Variants in ECHDC3 observed in about 807,000 individuals in gnomAD.
ECHDC3 encodes enoyl-CoA hydratase domain containing 3.
In ECHDC3, 20 loss-of-function variants were observed where a neutral mutation model predicts 17.9. That is an observed-to-expected ratio of 1.12 (90% CI 0.79 to 1.63). The LOEUF (loss-of-function observed/expected upper bound fraction) is 1.63. Among genes scored for constraint, ECHDC3 ranks in the 40% most tolerant of loss-of-function variants. ECHDC3 has a pLI of 0.00. For missense variants in ECHDC3, 407 were observed against 357.7 expected (o/e 1.14, Z -1.11); for synonymous variants, 177 against 149.7 (o/e 1.18, Z -1.33).
chr10:11,747,091 T>C (rs1832769354), intron 1 of ECHDC3, among the ~76,000 whole-genome samples: 1 of 152,162 alleles, frequency 6.6e-6, no homozygotes, highest in African/African-American at 2.4e-5. Context: ...GTCATGTTTC[T>C]GACAGCAAAC....
chr10:11,742,828 G>A, intron 1 of ECHDC3, 82 bp downstream of exon 1: 1 of 1,215,754 alleles, frequency 8.2e-7, no homozygotes, highest in Non-Finnish European at 1.0e-6. Flanking sequence ...GAGGACCCGG[G>A]GAACCGGAGC....
At position 11,755,486 on chromosome 10, in the gene ECHDC3, C is replaced by G; in HGVS notation, c.469C>G (p.Leu157Val). Residue 157 changes from leucine to valine, a missense_variant, in exon 4 of 5, where the codon CTG (leucine) becomes GTG (valine). Leu to Val is a conservative substitution (Grantham distance 32). Transcript: ENST00000379215. ...CCTGGCCGCGGCTGCCGGCTGTCAA[C>G]TGGTTGCCAGCTGCGACATTGCCGT... is the stretch of plus-strand genomic sequence containing the variant. ...NGLAAAAGCQ[L>V]VASCDIAVAS... 1.2e-6 allele frequency: 2 copies of G among 1,614,142 alleles called. No homozygotes were observed. Among genetic ancestry groups the G allele is most frequent in the Admixed American group, 1.7e-5 (1 of 60,024 alleles).
chr10:11,749,470 T>G, intron 2 of ECHDC3, 25 bp from the exon 3 acceptor site: 1 of 1,613,240 alleles, frequency 6.2e-7, no homozygotes, highest in Non-Finnish European at 8.5e-7. Flanking sequence ...TTTTGTTTTC[T>G]TTTCTCAATT....
chr10:11,746,190 T>A (rs953003569), intron 1 of ECHDC3, among the ~76,000 whole-genome samples: 2 of 151,986 alleles, frequency 1.3e-5, no homozygotes, highest in African/African-American at 2.4e-5. Flanking sequence ...TAGCTGGGTG[T>A]GGTGGCACAC....
At chr10:11,756,848 G>C (rs984128880) in intron 4 of ECHDC3, among the ~76,000 whole-genome samples, 6 of 151,464 alleles carry the variant, frequency 4.0e-5, no homozygotes, top group Non-Finnish European at 7.4e-5. Flanking sequence ...GGATTCTCCT[G>C]CCTCAGCCTC....
In ECHDC3 at chr10:11,763,126, G is replaced by T. The variant is rs573725395; in HGVS notation, c.592-98G>T. 37 of 632,706 alleles carry T rather than the reference G, an allele frequency of 5.8e-5. No individual in the cohort carries two copies. In the South Asian group the frequency reaches 6.2e-4, roughly 11 times the overall value. The allele number at this position is 632,706 out of a possible 1,614,324, so 39.2% of individuals were successfully genotyped here. On this transcript the variant is annotated intron_variant, in intron 4 of 4. Coordinates refer to ENST00000379215, the MANE Select transcript of ECHDC3 (RefSeq NM_024693.5). The surrounding 1 kb of genome is among the most constrained non-coding windows in gnomAD (Gnocchi z 4.9). ...AGACGTCAGGGCTGGCGGATGACGT[G>T]GTATTTGAGGAAGCAGGTCATTGAG...
In ECHDC3 at chr10:11,755,958, C is replaced by G. The variant is rs141706549; in HGVS notation, c.591+350C>G. 1.8e-3 allele frequency among the ~76,000 whole-genome samples: 274 copies of G among 152,336 alleles called. 2 individuals are homozygous for G. The highest frequency in any genetic ancestry group is 6.4e-3 in the African/African-American group (265 of 41,572). ...TCTTATTTGAAATGCAATTGAGACTCAGTTTTGTTGCACTGAATGGTTGCC... is the reference window on the plus strand; with the variant it reads ...TCTTATTTGAAATGCAATTGAGACTGAGTTTTGTTGCACTGAATGGTTGCC... On this transcript the variant is annotated intron_variant, in intron 4 of 4. Coordinates refer to ENST00000379215, the MANE Select transcript of ECHDC3 (RefSeq NM_024693.5).
intron 3 of ECHDC3, among the ~76,000 whole-genome samples, chr10:11,753,146 C>T (rs960426726): frequency 6.6e-6 from 1 of 151,994 alleles, no homozygotes; most frequent in African/African-American, 2.4e-5. Flanking sequence ...TTTGGGAGGC[C>T]GAGGTGAGTG....
intron 4 of ECHDC3, 68 bp downstream of exon 4, chr10:11,755,676 G>T: frequency 7.1e-7 from 1 of 1,405,880 alleles, no homozygotes; most frequent in Non-Finnish European, 9.7e-7. Context: ...CAGTGCATGC[G>T]ATGATTCAAG....
intron 1 of ECHDC3, 60 bp downstream of exon 1, chr10:11,742,806 C>T (rs1340296741): frequency 8.2e-7 from 1 of 1,223,200 alleles, no homozygotes; most frequent in African/African-American, 1.6e-5. Flanking sequence ...AGGGCGCCGC[C>T]ATTGACCCGG....
intron 3 of ECHDC3, among the ~76,000 whole-genome samples, chr10:11,750,256 G>A (rs763016768): frequency 7.2e-4 from 109 of 152,160 alleles, no homozygotes; most frequent in Admixed American, 1.0e-3. Context: ...GAAAATGTGC[G>A]TCTTTAGGGA....
At chr10:11,759,727 G>T (rs565787371) in intron 4 of ECHDC3, among the ~76,000 whole-genome samples, 3 of 152,240 alleles carry the variant, frequency 2.0e-5, no homozygotes, top group East Asian at 3.9e-4. Context: ...AATCACCCCC[G>T]TTCCAAGGCT....
At chr10:11,753,447 C>A (rs867068720) in intron 3 of ECHDC3, among the ~76,000 whole-genome samples, 1 of 152,040 alleles carries the variant, frequency 6.6e-6, no homozygotes, top group African/African-American at 2.4e-5. Context: ...ATTTTTCTGC[C>A]AAGTTTTATG....
intron 4 of ECHDC3, among the ~76,000 whole-genome samples, chr10:11,761,014 C>A (rs1044850226): frequency 3.3e-5 from 5 of 152,220 alleles, no homozygotes; most frequent in South Asian, 2.1e-4. Flanking sequence ...GTGATTTAGT[C>A]CATGCCTTTA....
chr10:11,763,466 G>C lies in ECHDC3; in HGVS notation c.834G>C (p.Leu278=). 1 of 1,000,382 alleles carries C rather than the reference G, an allele frequency of 1.0e-6. No homozygotes were observed. Among genetic ancestry groups the C allele is most frequent in the Non-Finnish European group, 1.6e-6 (1 of 632,124 alleles). 62.0% of individuals were successfully genotyped at this position (1,000,382 alleles called of 1,614,324 possible). A position where few individuals can be genotyped will look rare whatever the true frequency, so the allele number is the denominator to read the frequency against. The change falls in exon 5 of 5, where the codon CTG becomes CTC. Residue 278 remains leucine (L), a synonymous_variant. Coordinates refer to ENST00000379215, the MANE Select transcript of ECHDC3 (RefSeq NM_024693.5). This position sits in a 1 kb window ranked among gnomAD's most constrained non-coding sequence, Gnocchi z 4.9. ...CCTCCCAGGCCATGGTGGACAACCT[G>C]GCCCTGCGGGACGGGCAGGAGGGCA... is the stretch of plus-strand genomic sequence containing the variant. ...YLTSQAMVDN[L]ALRDGQEGIT...
intron 2 of ECHDC3, among the ~76,000 whole-genome samples, chr10:11,748,490 A>G (rs992058664): frequency 1.2e-4 from 14 of 114,422 alleles, no homozygotes; most frequent in African/African-American, 4.2e-4. Context: ...TGCCTGGCTA[A>G]TTTTTAAGGT....
At chr10:11,751,056 GT>G (rs1413752909) in intron 3 of ECHDC3, among the ~76,000 whole-genome samples, 5 of 152,202 alleles carry the variant, frequency 3.3e-5, no homozygotes, top group Non-Finnish European at 7.3e-5. Context: ...CATTAATGAT[GT>G]TTATGTAACA....
chr10:11,760,238 G>A (rs1038959233), intron 4 of ECHDC3, among the ~76,000 whole-genome samples: 1 of 152,212 alleles, frequency 6.6e-6, no homozygotes, highest in African/African-American at 2.4e-5. Flanking sequence ...GGAAGTGAGA[G>A]GTGAGAAATG....
At position 11,763,781 on chromosome 10, in the gene ECHDC3, A is replaced by G. The variant is rs1316511782; in HGVS notation, c.*237A>G. 7 of 1,294,044 alleles carry G rather than the reference A, an allele frequency of 5.4e-6. No homozygotes were observed. The highest frequency in any genetic ancestry group is 2.0e-5 in the South Asian group (1 of 49,706). 80.2% of individuals were successfully genotyped at this position (1,294,044 alleles called of 1,614,324 possible). A position where few individuals can be genotyped will look rare whatever the true frequency, so the allele number is the denominator to read the frequency against. On this transcript the variant is annotated 3_prime_UTR_variant, in exon 5 of 5. Transcript: ENST00000379215. The surrounding 1 kb of genome is among the most constrained non-coding windows in gnomAD (Gnocchi z 4.9). Reference sequence around the variant, plus strand: ...TGGTGAACCCTGCAGCGGGCCAGCTATGGTGGGAAGCCTGGCATTTGGGGT... The same window carrying G: ...TGGTGAACCCTGCAGCGGGCCAGCTGTGGTGGGAAGCCTGGCATTTGGGGT...
Sources: gnomAD v4.1 joint callset for allele counts (sites outside exome capture counted in the v4.1 genomes callset) on GRCh38, gnomAD v4.1.1 for gene constraint, Gnocchi (gnomAD v3.1) non-coding constraint, MANE v1.5 for transcripts, NCBI Gene and HGNC (gene_info 2026-07-23, HGNC 2026-07-21) for gene names.